The following FARP2 variants were observed in gnomAD, a reference collection of about 807,000 sequenced individuals.
The protein encoded by FARP2 is FERM, ARH/RhoGEF and pleckstrin domain protein 2.
Under a neutral mutation model 130.5 loss-of-function variants are expected in FARP2, and 111 were observed. That is an observed-to-expected ratio of 0.85 (90% CI 0.73 to 1.00). FARP2 has a LOEUF of 1.00. Among genes scored for constraint, FARP2 ranks in the 50% least tolerant of loss-of-function variants. FARP2 has a pLI of 0.00. For missense variants in FARP2, 1,385 were observed against 1,346.3 expected (o/e 1.03, Z -0.45); for synonymous variants, 504 against 516.9 (o/e 0.98, Z 0.34).
intron 9 of FARP2, 34 bp downstream of exon 9, chr2:241,431,808 T>C: frequency 1.3e-6 from 1 of 766,562 alleles, no homozygotes; most frequent in Non-Finnish European, 1.9e-6. Context: ...ATTTTTATTT[T>C]ATTTTATTTA....
intron 13 of FARP2, among the ~76,000 whole-genome samples, chr2:241,448,721 A>G (rs1288951402): frequency 2.0e-5 from 3 of 152,254 alleles, no homozygotes; most frequent in Non-Finnish European, 4.4e-5. Context: ...ATTTAGCGCA[A>G]AACAGGAAAG....
intron 19 of FARP2, chr2:241,478,845 G>A: frequency 2.6e-6 from 1 of 386,828 alleles, no homozygotes; most frequent in Non-Finnish European, 5.0e-6. Context: ...CAACTGGTCA[G>A]CAATGGCTCT....
chr2:241,380,348 A>C (rs1204144884), intron 2 of FARP2, among the ~76,000 whole-genome samples: 3 of 152,100 alleles, frequency 2.0e-5, no homozygotes, highest in African/African-American at 7.2e-5. Flanking sequence ...GTGAGCTGTG[A>C]GCGCCAACTC....
intron 2 of FARP2, among the ~76,000 whole-genome samples, chr2:241,388,939 T>TA (rs1275040880): frequency 6.6e-6 from 1 of 152,168 alleles, no homozygotes; most frequent in African/African-American, 2.4e-5. Context: ...TTGGGGTGAT[T>TA]AGGCCATGAG....
At position 241,459,367 on chromosome 2, in the gene FARP2, G is replaced by A. The variant is rs1029674873; in HGVS notation, c.1587+2445G>A. Among the ~76,000 whole-genome samples the A allele has an allele frequency of 1.3e-5, 2 of 152,216 alleles. No individual in the cohort carries two copies. Among genetic ancestry groups the A allele is most frequent in the African/African-American group, 2.4e-5 (1 of 41,466 alleles). ...AGGGTGACAGGGGTCTGAGAAGCACGTGCTGCCACTGAGGCCACCCGTCAA... is the reference window on the plus strand; with the variant it reads ...AGGGTGACAGGGGTCTGAGAAGCACATGCTGCCACTGAGGCCACCCGTCAA... On this transcript the variant is annotated intron_variant, in intron 14 of 26. Coordinates refer to ENST00000264042, the MANE Select transcript of FARP2 (RefSeq NM_014808.4). This position sits in a 1 kb window ranked among gnomAD's most constrained non-coding sequence, Gnocchi z 5.3.
intron 1 of FARP2, 133 bp downstream of exon 1, chr2:241,356,521 G>C (rs978526159): frequency 6.6e-6 from 1 of 152,324 alleles, no homozygotes; most frequent in Non-Finnish European, 1.5e-5. Flanking sequence ...AGATGGTCCC[G>C]CCCGGCCTCT....
intron 1 of FARP2, among the ~76,000 whole-genome samples, chr2:241,370,201 G>T (rs1420629179): frequency 1.3e-5 from 2 of 152,128 alleles, no homozygotes; most frequent in Non-Finnish European, 2.9e-5. Context: ...CCAACAGAAA[G>T]AATTTGTAAA....
intron 8 of FARP2, among the ~76,000 whole-genome samples, chr2:241,419,419 G>A (rs1196571001): frequency 6.6e-6 from 1 of 152,144 alleles, no homozygotes; most frequent in Non-Finnish European, 1.5e-5. Context: ...ACAACCTAAA[G>A]AAGTTGTAAA....
intron 13 of FARP2, among the ~76,000 whole-genome samples, chr2:241,450,207 C>T (rs1329562929): frequency 1.3e-5 from 2 of 151,784 alleles, no homozygotes; most frequent in Non-Finnish European, 1.5e-5. Context: ...CTACAAAAAA[C>T]TAAAACATAG....
chr2:241,385,903 G>A (rs528059834), intron 2 of FARP2, among the ~76,000 whole-genome samples: 197 of 152,220 alleles, frequency 1.3e-3, no homozygotes, highest in Non-Finnish European at 2.3e-3. Flanking sequence ...CATAAGTACT[G>A]AGAAGAATTA....
intron 8 of FARP2, among the ~76,000 whole-genome samples, chr2:241,427,350 G>T (rs897997803): frequency 6.6e-6 from 1 of 152,156 alleles, no homozygotes; most frequent in Non-Finnish European, 1.5e-5. Flanking sequence ...AAGTAATCTA[G>T]AAATGATTTT....
chr2:241,382,290 C>CAATTTTT (rs1553709362), intron 2 of FARP2, among the ~76,000 whole-genome samples: 1 of 127,198 alleles, frequency 7.9e-6, no homozygotes, highest in African/African-American at 2.8e-5. Context: ...TGTACAAAAT[C>CAATTTTT]TATTTTTTTT....
chr2:241,458,250 G>T (rs2063917433), intron 14 of FARP2, among the ~76,000 whole-genome samples: 1 of 152,150 alleles, frequency 6.6e-6, no homozygotes. Flanking sequence ...TCCCTGAGTG[G>T]CAGCTGGATG....
chr2:241,372,828 A>G (rs561128721), intron 1 of FARP2: 2 of 208,006 alleles, frequency 9.6e-6, no homozygotes, highest in East Asian at 1.9e-4. Flanking sequence ...AAATGAGTTA[A>G]TGGGTATGCC....
intron 1 of FARP2, among the ~76,000 whole-genome samples, chr2:241,361,062 G>A (rs1217519627): frequency 6.6e-6 from 1 of 150,436 alleles, no homozygotes. Flanking sequence ...TAGGCACACA[G>A]AATTGTACTG....
At chr2:241,400,751 GA>G (rs2062145904) in intron 2 of FARP2, among the ~76,000 whole-genome samples, 2 of 152,308 alleles carry the variant, frequency 1.3e-5, no homozygotes, top group Non-Finnish European at 2.9e-5. Flanking sequence ...GACTCAGGGA[GA>G]GTCATGAGGA....
At chr2:241,439,624 C>T (rs371499103) in intron 12 of FARP2, among the ~76,000 whole-genome samples, 6 of 152,118 alleles carry the variant, frequency 3.9e-5, no homozygotes, top group African/African-American at 1.2e-4. Flanking sequence ...CCACCATGCC[C>T]GGCCTTCAAA....
rs1449531548 is a variant in FARP2, at chr2:241,482,446, A to G, written c.2263-1019A>G. ...AAGCAATTGCCAGCAGCTCACAGGG[A>G]CCTCGGCGTGCGGTCTCCAGGGCTC... is the stretch of plus-strand genomic sequence containing the variant. On this transcript the variant is annotated intron_variant, in intron 19 of 26. Transcript: ENST00000264042. The surrounding 1 kb of genome is among the most constrained non-coding windows in gnomAD (Gnocchi z 4.6). Among the ~76,000 whole-genome samples the G allele has an allele frequency of 6.6e-6, 1 of 152,140 alleles. No homozygotes were observed. The highest frequency in any genetic ancestry group is 2.4e-5 in the African/African-American group (1 of 41,404).
intron 1 of FARP2, among the ~76,000 whole-genome samples, chr2:241,371,628 G>A (rs1046849670): frequency 6.6e-6 from 1 of 152,170 alleles, no homozygotes; most frequent in Non-Finnish European, 1.5e-5. Flanking sequence ...TCTTTAAAAG[G>A]TTACAGATTA....
Sources: gnomAD v4.1 joint callset for allele counts (sites outside exome capture counted in the v4.1 genomes callset) on GRCh38, gnomAD v4.1.1 for gene constraint, Gnocchi (gnomAD v3.1) non-coding constraint, MANE v1.5 for transcripts, NCBI Gene and HGNC (gene_info 2026-07-23, HGNC 2026-07-21) for gene names.